The following RPGRIP1 variants were observed in gnomAD, a reference collection of about 807,000 sequenced individuals.
RPGRIP1 encodes the protein RPGR interacting protein 1, also known as X-linked retinitis pigmentosa GTPase regulator-interacting protein 1.
RPGRIP1 carries 128 observed loss-of-function variants against 157.9 expected under a neutral mutation model. The ratio of observed to expected loss-of-function variants is 0.81; its 90% CI spans 0.70 to 0.94. The LOEUF (loss-of-function observed/expected upper bound fraction) is 0.94, where lower values mean the gene tolerates loss of function less well. Among genes scored for constraint, RPGRIP1 ranks in the 40% least tolerant of loss-of-function variants. RPGRIP1 has a pLI of 0.00. For synonymous variants in RPGRIP1, 554 were observed against 571.6 expected, an observed-to-expected ratio of 0.97 and a Z score of 0.44; for missense variants, 1,486 against 1,545.8, an observed-to-expected ratio of 0.96 and a Z score of 0.65.
rs1225510128 is a variant in RPGRIP1, at chr14:21,320,028, G to T, written c.1318G>T (p.Asp440Tyr). The change falls in exon 12 of 25, where the codon GAT (aspartate) becomes TAT (tyrosine). Residue 440 changes from aspartate to tyrosine, a missense_variant. Asp to Tyr is a radical substitution (Grantham distance 160). Coordinates refer to ENST00000400017, the MANE Select transcript of RPGRIP1 (RefSeq NM_020366.4). ...TTATTTTTCCCCAGCCCAAAATGAGGATCTGAAGCTTGAAGTCACCAACAT... is the reference window on the plus strand; with the variant it reads ...TTATTTTTCCCCAGCCCAAAATGAGTATCTGAAGCTTGAAGTCACCAACAT... ...ELSREKAQNEDLKLEVTNILQ... is the reference protein window; with the variant it reads ...ELSREKAQNEYLKLEVTNILQ... 1.2e-6 allele frequency: 2 copies of T among 1,611,574 alleles called. No homozygotes were observed. The highest frequency in any genetic ancestry group is 1.7e-6 in the Non-Finnish European group (2 of 1,178,862).
At chr14:21,330,962 T>C (rs1317456181) in intron 20 of RPGRIP1, among the ~76,000 whole-genome samples, 6 of 151,858 alleles carry the variant, frequency 4.0e-5, no homozygotes, top group Admixed American at 2.0e-4. Context: ...CAGGCTGGAG[T>C]GCAATGGCAG....
At chr14:21,326,660 G>A (rs1448814472) in intron 17 of RPGRIP1, among the ~76,000 whole-genome samples, 3 of 152,048 alleles carry the variant, frequency 2.0e-5, no homozygotes, top group South Asian at 2.1e-4. Context: ...GTGAGCCACC[G>A]CGCCTGGCTG....
At chr14:21,306,696 A>G (rs1248776685) in intron 6 of RPGRIP1, among the ~76,000 whole-genome samples, 3 of 151,150 alleles carry the variant, frequency 2.0e-5, no homozygotes, top group East Asian at 3.9e-4. Flanking sequence ...TGACCTCGTG[A>G]TCCACCCGCC....
chr14:21,295,478 A>T (rs1208981322), intron 3 of RPGRIP1, among the ~76,000 whole-genome samples: 5 of 116,554 alleles, frequency 4.3e-5, no homozygotes, highest in East Asian at 2.9e-4. Flanking sequence ...TATTTTTGAG[A>T]TTTTTTTTTT....
chr14:21,299,040 A>T (rs146619887), intron 3 of RPGRIP1, among the ~76,000 whole-genome samples: 28,128 of 137,160 alleles, frequency 0.21, 2,925 homozygotes, highest in East Asian at 0.32. Context: ...TTGAGATGGG[A>T]GTTTCGCTCT....
intron 11 of RPGRIP1, chr14:21,318,313 TGTTA>T (rs10590146): frequency 0.37 from 123,132 of 336,396 alleles, 24,047 homozygotes; most frequent in East Asian, 0.42. Context: ...GGTTTTACCA[TGTTA>T]GTTAGGCTGG....
Position 21,300,993 on chromosome 14 carries a change from C to A in RPGRIP1, c.246C>A (p.Thr82=), listed in dbSNP as rs745918915. 3.7e-6 allele frequency: 6 copies of A among 1,612,858 alleles called. No individual in the cohort carries two copies. Among genetic ancestry groups the A allele is most frequent in the Non-Finnish European group, 5.1e-6 (6 of 1,179,408 alleles). Reference sequence around the variant, plus strand: ...TGAGGACCACCTTGCTGCGGTTGACCGCTGCTGGCCGGGACCTGCGGGTCG... The same window carrying A: ...TGAGGACCACCTTGCTGCGGTTGACAGCTGCTGGCCGGGACCTGCGGGTCG... The part of the protein sequence containing the change: ...KRLRTTLLRL[T]AAGRDLRVAE... The change falls in exon 4 of 25, where the codon ACC becomes ACA. Residue 82 remains threonine (T), a synonymous_variant. Transcript: ENST00000400017.
rs2139176356 is a variant in RPGRIP1 at position 21,312,500 on chromosome 14, T to A, written c.1145T>A (p.Leu382Ter). 1 of 1,608,390 alleles carries A rather than the reference T, an allele frequency of 6.2e-7. No individual in the cohort carries two copies. Among genetic ancestry groups the A allele is most frequent in the Non-Finnish European group, 8.5e-7 (1 of 1,175,852 alleles). Residue 382 changes from leucine to a stop codon, truncating the protein, a stop_gained, in exon 10 of 25, where the codon TTA (leucine) becomes TAA (stop). Transcript: ENST00000400017. LOFTEE classifies it high-confidence loss of function. The stretch of plus-strand genomic sequence containing the variant: ...CTGAATGACAATTATGACAAACTCT[T>A]AGAAAGGTGAGTACCACATTTGGGT... ...KLLNDNYDKL[L>*]ESMLDSSDSS...
In RPGRIP1 at chr14:21,288,073, GC is replaced by G. The variant is rs777508409; in HGVS notation, c.85+14del. ...ACCAGCCTCAAAAGGTAACTTCTAC[GC>G]CTGAGGATGGACACCTTTTAGAATT... is the stretch of plus-strand genomic sequence containing the variant. On this transcript the variant is annotated intron_variant, in intron 2 of 24. Coordinates refer to ENST00000400017, the MANE Select transcript of RPGRIP1 (RefSeq NM_020366.4). The G allele has an allele frequency of 6.4e-7, 1 of 1,556,094 alleles. No individual in the cohort carries two copies. The highest frequency in any genetic ancestry group is 1.1e-5 in the South Asian group (1 of 89,890).
intron 22 of RPGRIP1, 78 bp from the exon 23 acceptor site, chr14:21,345,035 A>G: frequency 2.2e-6 from 2 of 899,394 alleles, no homozygotes; most frequent in Non-Finnish European, 3.7e-6. Flanking sequence ...ACTACCATGA[A>G]TACCACTAAT....
At chr14:21,333,986 G>A (rs983606590) in intron 20 of RPGRIP1, among the ~76,000 whole-genome samples, 20 of 146,474 alleles carry the variant, frequency 1.4e-4, no homozygotes, top group African/African-American at 4.8e-4. Flanking sequence ...GCAGTGGCTC[G>A]ATCTTGGCTC....
rs57499532 is a variant in RPGRIP1 at position 21,338,913 on chromosome 14, C to G, written c.3340-4123C>G. Among the ~76,000 whole-genome samples the G allele has an allele frequency of 4.2e-3, 631 of 151,952 alleles. 1 individual carries two copies. Among genetic ancestry groups the G allele is most frequent in the African/African-American group, 0.014 (601 of 41,454 alleles). On this transcript the variant is annotated intron_variant, in intron 21 of 24. Coordinates refer to ENST00000400017, the MANE Select transcript of RPGRIP1 (RefSeq NM_020366.4). ...CAGCACTTTGGGAGGTCGAGGCGGG[C>G]GGATCACCTGAGGTCAGGAGTTCGA...
Position 21,282,695 on chromosome 14 carries a change from C to T in RPGRIP1, c.-39+2536C>T, listed in dbSNP as rs868692565. Among the ~76,000 whole-genome samples, 36 of 147,436 alleles carry T rather than the reference C, an allele frequency of 2.4e-4. 1 individual carries two copies. The highest frequency in any genetic ancestry group is 8.6e-4 in the African/African-American group (34 of 39,732). On this transcript the variant is annotated intron_variant, in intron 1 of 24. Coordinates refer to ENST00000400017, the MANE Select transcript of RPGRIP1 (RefSeq NM_020366.4). ...CGTGATCTCGGCTCACAGCAAGCTC[C>T]GCCTCCCAGGTTCACGCCATTCTCC...
Position 21,310,564 on chromosome 14 carries a change from T to TA in RPGRIP1, c.907-18dup. 1 of 1,272,722 alleles carries TA rather than the reference T, an allele frequency of 7.9e-7. No individual in the cohort carries two copies. The highest frequency in any genetic ancestry group is 1.5e-5 in the South Asian group (1 of 67,204). 78.8% of individuals were successfully genotyped at this position (1,272,722 alleles called of 1,614,324 possible). A position where few individuals can be genotyped will look rare whatever the true frequency, so the allele number is the denominator to read the frequency against. ...TGAAATTGATAAATCAATAAAATAATAATAATTTCTTTCTTCCAGGCATAC... is the reference window on the plus strand; with the variant it reads ...TGAAATTGATAAATCAATAAAATAATAAATAATTTCTTTCTTCCAGGCATAC... On this transcript the variant is annotated intron_variant, in intron 7 of 24. Coordinates refer to ENST00000400017, the MANE Select transcript of RPGRIP1 (RefSeq NM_020366.4).
chr14:21,310,842 C>T, intron 8 of RPGRIP1: 6 of 679,620 alleles, frequency 8.8e-6, no homozygotes, highest in South Asian at 8.8e-5. Context: ...AAATATTTGG[C>T]ATGGTATTTT....
intron 19 of RPGRIP1, among the ~76,000 whole-genome samples, chr14:21,329,298 G>A (rs1189283291): frequency 6.6e-6 from 1 of 151,650 alleles, no homozygotes; most frequent in African/African-American, 2.4e-5. Flanking sequence ...CAGCCTGGGC[G>A]ACAGAGCAAG....
chr14:21,321,328 GCAGAGACCA>G lies in RPGRIP1; in HGVS notation c.1540_1548del (p.Glu514_Thr516del), dbSNP rs753345079. On this transcript the variant is annotated inframe_deletion, in exon 13 of 25. Transcript: ENST00000400017. ...GCTAAATGAGTTGCAAGTATCACACGCAGAGACCACATTGGAACTAGAAAAGACCAGGGA... is the reference window on the plus strand; with the variant it reads ...GCTAAATGAGTTGCAAGTATCACACGCATTGGAACTAGAAAAGACCAGGGA... 1 of 1,613,882 alleles carries G rather than the reference GCAGAGACCA, an allele frequency of 6.2e-7. No homozygotes were observed. The highest frequency in any genetic ancestry group is 8.5e-7 in the Non-Finnish European group (1 of 1,179,826).
rs143290557 is a variant in RPGRIP1, at chr14:21,336,261, G to A, written c.3339+1556G>A. Among the ~76,000 whole-genome samples, 17 of 152,328 alleles carry A rather than the reference G, an allele frequency of 1.1e-4. 1 individual carries two copies. Among genetic ancestry groups the A allele is most frequent in the African/African-American group, 4.1e-4 (17 of 41,588 alleles). Reference sequence around the variant, plus strand: ...CACATAGTTCAATTTCAGCTGAGGTGTGGTGGCTCACACTTGTAATCCCAG... The same window carrying A: ...CACATAGTTCAATTTCAGCTGAGGTATGGTGGCTCACACTTGTAATCCCAG... On this transcript the variant is annotated intron_variant, in intron 21 of 24. Transcript: ENST00000400017.
chr14:21,282,384 G>A (rs1859288918), intron 1 of RPGRIP1, among the ~76,000 whole-genome samples: 1 of 151,502 alleles, frequency 6.6e-6, no homozygotes, highest in Non-Finnish European at 1.5e-5. Flanking sequence ...CTACAGGCAC[G>A]CACCACCATG....
Sources: allele counts gnomAD v4.1 joint callset (sites outside exome capture counted in the v4.1 genomes callset), GRCh38; gene constraint gnomAD v4.1.1; transcripts MANE v1.5; gene names NCBI Gene and HGNC (gene_info 2026-07-23, HGNC 2026-07-21).